The following FGF14 variants were observed in gnomAD, a reference collection of about 807,000 sequenced individuals.
The protein encoded by FGF14 is fibroblast growth factor homologous factor 4.
Under a neutral mutation model 25.5 loss-of-function variants are expected in FGF14, and 5 were observed. The observed-to-expected ratio is 0.20, with a 90% confidence interval of 0.10 to 0.41. The LOEUF (loss-of-function observed/expected upper bound fraction) is 0.41, where lower values mean the gene tolerates loss of function less well. Ranked by LOEUF, FGF14 falls within the 10% of genes least tolerant of loss-of-function variation. The probability of loss-of-function intolerance (pLI) is 1.00; values close to 1 mark genes in which losing one functional copy is unlikely to be tolerated. For missense variants in FGF14, 222 were observed against 320.1 expected (o/e 0.69, Z 2.34); for synonymous variants, 138 against 118.3 (o/e 1.17, Z -1.08).
upstream of FGF14, chr13:102,402,102 A>T: frequency 5.3e-6 from 1 of 190,254 alleles, no homozygotes; most frequent in South Asian, 1.0e-4. Context: ...AAGAAAAAAA[A>T]ACACCACCAC....
chr13:102,275,786 G>C (rs1287030601), intron 1 of FGF14, among the ~76,000 whole-genome samples: 2 of 152,034 alleles, frequency 1.3e-5, no homozygotes, highest in Admixed American at 6.6e-5. Context: ...GACAACTCAG[G>C]CTCCAATTTA....
At chr13:102,388,177 G>A (rs2058349789) in intron 1 of FGF14, among the ~76,000 whole-genome samples, 1 of 152,176 alleles carries the variant, frequency 6.6e-6, no homozygotes, top group African/African-American at 2.4e-5. Flanking sequence ...CTGCTAAGAA[G>A]AGTATGTCAA....
intron 1 of FGF14, among the ~76,000 whole-genome samples, chr13:102,281,441 C>T (rs2053828351): frequency 6.6e-6 from 1 of 152,144 alleles, no homozygotes; most frequent in South Asian, 2.1e-4. Flanking sequence ...CCTCATCTCC[C>T]TCCTCACAGT....
At chr13:102,287,268 C>T (rs1485325338) in intron 1 of FGF14, among the ~76,000 whole-genome samples, 1 of 152,212 alleles carries the variant, frequency 6.6e-6, no homozygotes, top group Non-Finnish European at 1.5e-5. Context: ...TGCATGTACA[C>T]AGCATGCTTG....
chr13:102,184,524 G>A (rs1259243546), intron 1 of FGF14, among the ~76,000 whole-genome samples: 1 of 152,146 alleles, frequency 6.6e-6, no homozygotes, highest in Non-Finnish European at 1.5e-5. Flanking sequence ...GAAGTAAAGT[G>A]GTGATGAATG....
chr13:101,915,829 C>G (rs776407562), intron 1 of FGF14, among the ~76,000 whole-genome samples: 1 of 152,242 alleles, frequency 6.6e-6, no homozygotes, highest in Non-Finnish European at 1.5e-5. Context: ...CTGTCCCCAT[C>G]CCAGGATTTG....
intron 1 of FGF14, among the ~76,000 whole-genome samples, chr13:101,900,133 T>C (rs2031333146): frequency 6.6e-6 from 1 of 152,112 alleles, no homozygotes; most frequent in Non-Finnish European, 1.5e-5. Flanking sequence ...AGAAAATATT[T>C]TACTAAGTGA....
intron 3 of FGF14, among the ~76,000 whole-genome samples, chr13:101,861,328 C>G (rs1005553687): frequency 6.6e-6 from 1 of 152,020 alleles, no homozygotes; most frequent in Non-Finnish European, 1.5e-5. Context: ...CCAAATGCAG[C>G]ATCTTACTCC....
At chr13:102,341,748 T>C (rs2056959074) in intron 1 of FGF14, among the ~76,000 whole-genome samples, 2 of 152,126 alleles carry the variant, frequency 1.3e-5, no homozygotes, top group Admixed American at 6.6e-5. Context: ...TTACTTGAAA[T>C]TGCAAAATGA....
intron 1 of FGF14, among the ~76,000 whole-genome samples, chr13:102,087,577 T>G (rs974477489): frequency 2.9e-5 from 1 of 34,106 alleles, no homozygotes; most frequent in African/African-American, 9.2e-5. Flanking sequence ...ATGCCTGGCT[T>G]TTTTTTTTTT....
At chr13:101,872,907 T>C (rs370572995) in intron 2 of FGF14, among the ~76,000 whole-genome samples, 1 of 152,108 alleles carries the variant, frequency 6.6e-6, no homozygotes, top group Non-Finnish European at 1.5e-5. Flanking sequence ...TCTGATTTGC[T>C]TTTACAAAGG....
At chr13:102,319,606 C>A (rs371786538) in intron 1 of FGF14, among the ~76,000 whole-genome samples, 1 of 152,224 alleles carries the variant, frequency 6.6e-6, no homozygotes, top group African/African-American at 2.4e-5. Flanking sequence ...GAACCAGCTG[C>A]GATGCCTTAC....
intron 1 of FGF14, among the ~76,000 whole-genome samples, chr13:102,281,207 A>G (rs186784457): frequency 6.6e-6 from 1 of 152,320 alleles, no homozygotes; most frequent in East Asian, 1.9e-4. Context: ...TATAAAATAG[A>G]GTAGCATCAA....
intron 1 of FGF14, among the ~76,000 whole-genome samples, chr13:102,004,739 T>C (rs1304113751): frequency 2.0e-5 from 3 of 152,158 alleles, no homozygotes; most frequent in Non-Finnish European, 4.4e-5. Context: ...AGGCATCCGA[T>C]GGGAGGTAAT....
chr13:102,003,927 CG>C (rs1340562143), intron 1 of FGF14, among the ~76,000 whole-genome samples: 1 of 152,048 alleles, frequency 6.6e-6, no homozygotes, highest in Non-Finnish European at 1.5e-5. Flanking sequence ...GAAGAAATCC[CG>C]GCTTTTCAAC....
At chr13:102,395,412 AGT>A (rs1248321268) in intron 1 of FGF14, 1 of 152,202 alleles carries the variant, frequency 6.6e-6, no homozygotes, top group African/African-American at 2.4e-5. Context: ...GAGAGGCTCG[AGT>A]GTGAACAGTA....
At chr13:101,886,937 T>G (rs1255780203) in intron 1 of FGF14, among the ~76,000 whole-genome samples, 3 of 152,066 alleles carry the variant, frequency 2.0e-5, no homozygotes, top group African/African-American at 7.2e-5. Flanking sequence ...AGTTATATTT[T>G]TAAAATGTTC....
chr13:102,276,044 AT>A (rs1223683323), intron 1 of FGF14, among the ~76,000 whole-genome samples: 1 of 151,974 alleles, frequency 6.6e-6, no homozygotes, highest in African/African-American at 2.4e-5. Flanking sequence ...TTTAGGAAGC[AT>A]TGTAGAATAT....
intron 1 of FGF14, among the ~76,000 whole-genome samples, chr13:102,259,376 T>C (rs1381600525): frequency 6.6e-6 from 1 of 152,146 alleles, no homozygotes; most frequent in African/African-American, 2.4e-5. Flanking sequence ...GTTTTTTGTT[T>C]TGTTTTGTTT....
Sources: allele counts gnomAD v4.1 joint callset (sites outside exome capture counted in the v4.1 genomes callset), GRCh38; gene constraint gnomAD v4.1.1; transcripts MANE v1.5; gene names NCBI Gene and HGNC (gene_info 2026-07-23, HGNC 2026-07-21).